HERC3: variants seen among roughly 807,000 people sequenced by gnomAD.
The protein encoded by HERC3 is probable E3 ubiquitin-protein ligase HERC3.
HERC3 carries 58 observed loss-of-function variants against 129.9 expected under a neutral mutation model. That is an observed-to-expected ratio of 0.45 (90% CI 0.36 to 0.56). HERC3 has a LOEUF of 0.56. Ranked by LOEUF, HERC3 falls within the 20% of genes least tolerant of loss-of-function variation. The pLI is 0.00. For missense variants in HERC3, 835 were observed against 1,244.2 expected, an observed-to-expected ratio of 0.67 and a Z score of 4.95; for synonymous variants, 430 against 451.0, an observed-to-expected ratio of 0.95 and a Z score of 0.59.
At position 88,647,628 on chromosome 4, in the gene HERC3, A is replaced by T. The variant is rs186222830; in HGVS notation, c.227-2212A>T. ...GAAGATGGACAATGGGAACAATAGG[A>T]ATTACAGAATCTTTCTGTTTATTAT... On this transcript the variant is annotated intron_variant, in intron 3 of 25. Coordinates refer to ENST00000402738, the MANE Select transcript of HERC3 (RefSeq NM_014606.3). Among the ~76,000 whole-genome samples, 200 of 152,276 alleles carry T rather than the reference A, an allele frequency of 1.3e-3. 4 individuals carry two copies. Among genetic ancestry groups the T allele is most frequent in the Non-Finnish European group, 3.7e-4 (25 of 68,024 alleles).
chr4:88,634,522 G>A (rs115263930), intron 3 of HERC3, among the ~76,000 whole-genome samples: 2,179 of 152,278 alleles, frequency 0.014, 55 homozygotes, highest in African/African-American at 0.049. Context: ...AGGGATGGCC[G>A]TAGTCTCTGT....
At chr4:88,614,676 G>A (rs1203158602) in intron 3 of HERC3, among the ~76,000 whole-genome samples, 1 of 152,100 alleles carries the variant, frequency 6.6e-6, no homozygotes, top group Non-Finnish European at 1.5e-5. Flanking sequence ...GATGTATTTT[G>A]TCTTGCTATT....
At chr4:88,686,903 A>T in intron 22 of HERC3, 101 bp downstream of exon 22, 1 of 923,664 alleles carries the variant, frequency 1.1e-6, no homozygotes, top group Non-Finnish European at 1.7e-6. Context: ...GAAAAAAGTC[A>T]GAGACTTCTT....
At chr4:88,687,372 T>A in intron 23 of HERC3, 73 bp downstream of exon 23, 1 of 950,652 alleles carries the variant, frequency 1.1e-6, no homozygotes. Context: ...AAGACCAAAA[T>A]AAAAATTACT....
At chr4:88,600,311 T>C (rs1722840731) in intron 2 of HERC3, among the ~76,000 whole-genome samples, 2 of 152,244 alleles carry the variant, frequency 1.3e-5, no homozygotes, top group Admixed American at 1.3e-4. Flanking sequence ...GTGAATACCA[T>C]ATTAGTGAAT....
intron 3 of HERC3, among the ~76,000 whole-genome samples, chr4:88,613,445 T>G (rs1258280656): frequency 6.6e-6 from 1 of 152,234 alleles, no homozygotes; most frequent in Non-Finnish European, 1.5e-5. Context: ...TTTCCTGCTG[T>G]TTGATAAATG....
At chr4:88,559,583 C>T in the HERC3 span, among the ~76,000 whole-genome samples, 1 of 152,162 alleles carries the variant, frequency 6.6e-6, no homozygotes, top group Non-Finnish European at 1.5e-5. Context: ...AGCATAAGTC[C>T]AGTCTCATCC....
At chr4:88,606,117 C>T in intron 3 of HERC3, 68 bp downstream of exon 3, 2 of 1,256,642 alleles carry the variant, frequency 1.6e-6, no homozygotes, top group Non-Finnish European at 2.2e-6. Flanking sequence ...TGGCAGAGGG[C>T]CCAGATGGAG....
At position 88,667,467 on chromosome 4, in the gene HERC3, G is replaced by A; in HGVS notation, c.1422G>A (p.Gln474=). 1 of 1,594,606 alleles carries A rather than the reference G, an allele frequency of 6.3e-7. No individual in the cohort carries two copies. The highest frequency in any genetic ancestry group is 8.6e-7 in the Non-Finnish European group (1 of 1,164,978). The change falls in exon 13 of 26, where the codon CAG becomes CAA. Residue 474 remains glutamine (Q), a synonymous_variant. Coordinates refer to ENST00000402738, the MANE Select transcript of HERC3 (RefSeq NM_014606.3). ...TATTTGAGAAGTTAATGAACTCTCA[G>A]CACTCCATGATTCTAGAACAGGTAT... ...RVLFEKLMNS[Q]HSMILEQILN...
chr4:88,623,211 C>CA (rs1467552733), intron 3 of HERC3, among the ~76,000 whole-genome samples: 1 of 152,182 alleles, frequency 6.6e-6, no homozygotes, highest in African/African-American at 2.4e-5. Context: ...AGGATGGACT[C>CA]ACATCAGTCA....
chr4:88,680,751 T>C (rs985752390), intron 20 of HERC3, among the ~76,000 whole-genome samples: 11 of 152,226 alleles, frequency 7.2e-5, no homozygotes, highest in African/African-American at 2.7e-4. Context: ...CCACATGTGG[T>C]TATTTATATA....
chr4:88,577,925 G>T, the HERC3 span, among the ~76,000 whole-genome samples: 1 of 152,126 alleles, frequency 6.6e-6, no homozygotes. Flanking sequence ...TCATTTTTCA[G>T]ATTATCAATC....
chr4:88,597,439 AT>A (rs1722522341), intron 2 of HERC3, among the ~76,000 whole-genome samples: 1 of 152,218 alleles, frequency 6.6e-6, no homozygotes, highest in South Asian at 2.1e-4. Context: ...AAGTTGGATA[AT>A]GCTGGTCATA....
Position 88,686,782 on chromosome 4 carries a change from A to G in HERC3, c.2554A>G (p.Thr852Ala), listed in dbSNP as rs1315893649. The change falls in exon 22 of 26, where the codon ACT (threonine) becomes GCT (alanine). Residue 852 changes from threonine to alanine, a missense_variant. Physicochemically the swap from Thr to Ala is moderately conservative, Grantham distance 58. Coordinates refer to ENST00000402738, the MANE Select transcript of HERC3 (RefSeq NM_014606.3). ...LDYPGEDVEE[T>A]FCLNFTICRE... Reference sequence around the variant, plus strand: ...TTACCCCGGGGAGGATGTGGAGGAGACTTTCTGCCTCAACTTCACGGTAAG... The same window carrying G: ...TTACCCCGGGGAGGATGTGGAGGAGGCTTTCTGCCTCAACTTCACGGTAAG... 6.2e-7 allele frequency: 1 copy of G among 1,611,046 alleles called. No individual in the cohort carries two copies. The highest frequency in any genetic ancestry group is 1.7e-5 in the Admixed American group (1 of 59,984).
chr4:88,666,171 T>A (rs1235752853), intron 12 of HERC3, among the ~76,000 whole-genome samples: 1 of 152,194 alleles, frequency 6.6e-6, no homozygotes, highest in Non-Finnish European at 1.5e-5. Flanking sequence ...TTGTTCATCC[T>A]TAGTATCACA....
At chr4:88,697,992 C>T (rs1001213706) in intron 23 of HERC3, among the ~76,000 whole-genome samples, 7 of 152,160 alleles carry the variant, frequency 4.6e-5, no homozygotes, top group Non-Finnish European at 8.8e-5. Context: ...ATCTTCTGGG[C>T]CCTCAACACC....
At chr4:88,541,662 C>T in the HERC3 span, among the ~76,000 whole-genome samples, 16 of 152,182 alleles carry the variant, frequency 1.1e-4, no homozygotes, top group Non-Finnish European at 2.2e-4. Flanking sequence ...AGCACCACAT[C>T]GCACTTATTC....
chr4:88,541,308 G>A, the HERC3 span, among the ~76,000 whole-genome samples: 2 of 151,894 alleles, frequency 1.3e-5, no homozygotes, highest in Non-Finnish European at 2.9e-5. Context: ...TCGGATAAAA[G>A]AGACTTTAAA....
chr4:88,660,927 G>T (rs1730431114), intron 10 of HERC3, among the ~76,000 whole-genome samples: 1 of 152,152 alleles, frequency 6.6e-6, no homozygotes, highest in African/African-American at 2.4e-5. Flanking sequence ...TCCAGCCAAA[G>T]TTGAGAAACA....
Sources: gnomAD v4.1 joint callset for allele counts (sites outside exome capture counted in the v4.1 genomes callset) on GRCh38, gnomAD v4.1.1 for gene constraint, MANE v1.5 for transcripts, NCBI Gene and HGNC (gene_info 2026-07-23, HGNC 2026-07-21) for gene names.